ANKS1B: variants seen among roughly 807,000 people sequenced by gnomAD.
The protein encoded by ANKS1B is ankyrin repeat and sterile alpha motif domain containing 1B, also known as ankyrin repeat and sterile alpha motif domain-containing protein 1B.
In ANKS1B, 36 loss-of-function variants were observed where a neutral mutation model predicts 148.3. The ratio of observed to expected loss-of-function variants is 0.24; its 90% CI spans 0.19 to 0.32. ANKS1B has a LOEUF of 0.32. ANKS1B is among the 10% of genes least tolerant of loss of function. The pLI, the probability that ANKS1B is intolerant of heterozygous loss-of-function variation, is 1.00. For synonymous variants in ANKS1B, 542 were observed against 560.8 expected, an observed-to-expected ratio of 0.97 and a Z score of 0.47; for missense variants, 1,157 against 1,542.6, an observed-to-expected ratio of 0.75 and a Z score of 4.19.
chr12:99,792,631 C>T (rs570008064), intron 4 of ANKS1B, among the ~76,000 whole-genome samples: 1 of 151,942 alleles, frequency 6.6e-6, no homozygotes, highest in Admixed American at 6.6e-5. Flanking sequence ...TTGACTAATG[C>T]TGAAAACATA....
chr12:99,065,016 G>C (rs1042338998), intron 16 of ANKS1B, among the ~76,000 whole-genome samples: 1 of 152,160 alleles, frequency 6.6e-6, no homozygotes, highest in Non-Finnish European at 1.5e-5. Context: ...CAAGAGTTCA[G>C]ATTAAAGATG....
At chr12:99,962,203 C>G (rs1203518645) in intron 1 of ANKS1B, among the ~76,000 whole-genome samples, 1 of 152,048 alleles carries the variant, frequency 6.6e-6, no homozygotes, top group Non-Finnish European at 1.5e-5. Context: ...CTTCCCTAAC[C>G]CTCCCACCCC....
chr12:98,973,600 T>G (rs2099885636), intron 17 of ANKS1B, among the ~76,000 whole-genome samples: 1 of 152,166 alleles, frequency 6.6e-6, no homozygotes, highest in South Asian at 2.1e-4. Flanking sequence ...GGGATGTGAG[T>G]CATCCCTTTG....
At chr12:99,507,682 AG>A (rs1173422842) in intron 9 of ANKS1B, among the ~76,000 whole-genome samples, 1 of 151,918 alleles carries the variant, frequency 6.6e-6, no homozygotes, top group African/African-American at 2.4e-5. Context: ...AGGGAAGGTG[AG>A]GCCCCCGCGG....
chr12:99,612,402 A>G (rs2097910513), intron 9 of ANKS1B, among the ~76,000 whole-genome samples: 1 of 152,152 alleles, frequency 6.6e-6, no homozygotes, highest in African/African-American at 2.4e-5. Flanking sequence ...TTTCATTATC[A>G]TAACATCTCC....
chr12:99,105,093 C>T (rs2058845855), intron 15 of ANKS1B: 1 of 152,120 alleles, frequency 6.6e-6, no homozygotes, highest in Non-Finnish European at 1.5e-5. Context: ...AGTGCTAGAT[C>T]CATCCAGACG....
chr12:99,170,104 G>C (rs1307371309), intron 14 of ANKS1B, among the ~76,000 whole-genome samples: 2 of 152,198 alleles, frequency 1.3e-5, no homozygotes, highest in Non-Finnish European at 2.9e-5. Flanking sequence ...AATAACAAGA[G>C]GTGGGAGAAT....
intron 6 of ANKS1B, among the ~76,000 whole-genome samples, chr12:99,778,214 A>C (rs995815176): frequency 1.8e-4 from 28 of 151,614 alleles, no homozygotes; most frequent in South Asian, 8.3e-4. Context: ...AGAAAAAAAA[A>C]GTTCAGTGAG....
At chr12:99,758,054 T>C (rs1171045239) in intron 8 of ANKS1B, among the ~76,000 whole-genome samples, 3 of 151,954 alleles carry the variant, frequency 2.0e-5, no homozygotes, top group Admixed American at 2.0e-4. Context: ...TTTATCTATG[T>C]AACAAACCTG....
intron 1 of ANKS1B, among the ~76,000 whole-genome samples, chr12:99,830,471 A>G (rs898858512): frequency 6.6e-6 from 1 of 152,128 alleles, no homozygotes; most frequent in Non-Finnish European, 1.5e-5. Flanking sequence ...AAATTGTGAA[A>G]CAAGAAGTAA....
At chr12:99,718,997 T>A (rs933975070) in intron 8 of ANKS1B, among the ~76,000 whole-genome samples, 1 of 152,116 alleles carries the variant, frequency 6.6e-6, no homozygotes, top group Non-Finnish European at 1.5e-5. Context: ...CTCCCAAACC[T>A]CAATCCCTTA....
chr12:99,617,459 TA>T (rs1043545594), intron 9 of ANKS1B, among the ~76,000 whole-genome samples: 11 of 151,996 alleles, frequency 7.2e-5, no homozygotes, highest in Non-Finnish European at 1.2e-4. Flanking sequence ...TATGCAGCCA[TA>T]AAAAAATGAG....
intron 12 of ANKS1B, among the ~76,000 whole-genome samples, chr12:99,372,473 G>T (rs1369152605): frequency 1.3e-5 from 2 of 152,000 alleles, no homozygotes; most frequent in Admixed American, 6.6e-5. Context: ...TGATTTCAGG[G>T]AAGAATAAGA....
chr12:98,782,877 T>C (rs1593508150), intron 22 of ANKS1B, among the ~76,000 whole-genome samples: 3 of 152,242 alleles, frequency 2.0e-5, no homozygotes, highest in Non-Finnish European at 4.4e-5. Context: ...AAACTCGTTT[T>C]AATGCTTCTT....
Position 99,777,559 on chromosome 12 carries a change from AG to A in ANKS1B, c.848-1899del, listed in dbSNP as rs370098229. Among the ~76,000 whole-genome samples, 776 of 152,064 alleles carry A rather than the reference AG, an allele frequency of 5.1e-3. 14 individuals carry two copies. Among genetic ancestry groups the A allele is most frequent in the African/African-American group, 0.018 (728 of 41,478 alleles). The stretch of plus-strand genomic sequence containing the variant: ...AAAAGACATATTACACACATGCTTC[AG>A]TTTTGTTTTTTTGTTTGTTTGTTTG... On this transcript the variant is annotated intron_variant, in intron 6 of 26. Coordinates refer to ENST00000683438, the MANE Select transcript of ANKS1B (RefSeq NM_001352186.2).
At chr12:99,495,080 A>C (rs1286100198) in intron 10 of ANKS1B, among the ~76,000 whole-genome samples, 1 of 152,192 alleles carries the variant, frequency 6.6e-6, no homozygotes, top group Non-Finnish European at 1.5e-5. Flanking sequence ...TGGAATGTGA[A>C]GCAGTGTGGT....
intron 14 of ANKS1B, among the ~76,000 whole-genome samples, chr12:99,179,309 GT>G (rs1013799960): frequency 1.1e-4 from 16 of 151,242 alleles, no homozygotes; most frequent in African/African-American, 3.9e-4. Flanking sequence ...GGTGCCTGTA[GT>G]CCCAGCTACT....
At chr12:99,786,387 G>A (rs1293876997) in intron 4 of ANKS1B, among the ~76,000 whole-genome samples, 3 of 152,088 alleles carry the variant, frequency 2.0e-5, no homozygotes, top group East Asian at 1.9e-4. Context: ...CTCAAGGTAC[G>A]AGTGGCAGTG....
At chr12:99,581,909 A>AG (rs1555499889) in intron 9 of ANKS1B, among the ~76,000 whole-genome samples, 52 of 151,210 alleles carry the variant, frequency 3.4e-4, no homozygotes, top group Middle Eastern at 6.9e-3. Context: ...AAAAAAAAAA[A>AG]AAAAAAGAAA....
Sources: gnomAD v4.1 joint callset for allele counts (sites outside exome capture counted in the v4.1 genomes callset) on GRCh38, gnomAD v4.1.1 for gene constraint, MANE v1.5 for transcripts, NCBI Gene and HGNC (gene_info 2026-07-23, HGNC 2026-07-21) for gene names.